The following PECAM1 variants were observed in gnomAD, a reference collection of about 807,000 sequenced individuals.
The protein encoded by PECAM1 is platelet endothelial cell adhesion molecule.
Under a neutral mutation model 13.8 loss-of-function variants are expected in PECAM1, and 8 were observed. The ratio of observed to expected loss-of-function variants is 0.58; its 90% CI spans 0.34 to 1.05. The LOEUF (loss-of-function observed/expected upper bound fraction) is 1.05. Among genes scored for constraint, PECAM1 ranks in the 50% least tolerant of loss-of-function variants. The pLI is 0.03. For missense variants in PECAM1, 304 were observed against 141.2 expected (o/e 2.15, Z -5.84); for synonymous variants, 136 against 52.6 (o/e 2.58, Z -6.86).
chr17:64,367,006 CA>C lies in PECAM1; in HGVS notation c.967+2743del, dbSNP rs56908523. ...AAAAAAAGAGACTGAAACTCCATTT[CA>C]AAAAAAAAAAAAAAGCAACAAAAGA... On this transcript the variant is annotated intron_variant, in intron 5 of 15. Transcript: ENST00000563924. Among the ~76,000 whole-genome samples, 375 of 123,894 alleles carry C rather than the reference CA, an allele frequency of 3.0e-3. 2 individuals carry two copies. Among genetic ancestry groups the C allele is most frequent in the African/African-American group, 0.012 (345 of 29,644 alleles). The allele number at this position is 123,894 out of a possible 152,430, so 81.3% of individuals were successfully genotyped here. A position where few individuals can be genotyped will look rare whatever the true frequency, so the allele number is the denominator to read the frequency against.
chr17:64,369,275 G>T lies in PECAM1; in HGVS notation c.967+475C>A, dbSNP rs989192833. On this transcript the variant is annotated intron_variant, in intron 5 of 15. Coordinates refer to ENST00000563924, the MANE Select transcript of PECAM1 (RefSeq NM_000442.5). ...TGAGTTTACTAATGCTTTCTCATTT[G>T]TGGCCCTGTCATAGGACCCACGTCT... is the stretch of plus-strand genomic sequence containing the variant. Among the ~76,000 whole-genome samples the T allele has an allele frequency of 4.2e-3, 641 of 152,174 alleles. 2 individuals are homozygous for T. Among genetic ancestry groups the T allele is most frequent in the African/African-American group, 0.015 (621 of 41,532 alleles).
At chr17:64,338,472 C>T (rs1340800319) in intron 14 of PECAM1, among the ~76,000 whole-genome samples, 1 of 151,862 alleles carries the variant, frequency 6.6e-6, no homozygotes, top group African/African-American at 2.4e-5. Context: ...GTTTGCCACT[C>T]TGGGAAGCCA....
chr17:64,321,907 G>A lies in PECAM1; in HGVS notation c.*1909C>T, dbSNP rs782503656. Reference sequence around the variant, plus strand: ...GAACTCCCTGGACACAGGGGATCTGGCTGTCCCCAGATCATCAACAGAGAC... The same window carrying A: ...GAACTCCCTGGACACAGGGGATCTGACTGTCCCCAGATCATCAACAGAGAC... On this transcript the variant is annotated 3_prime_UTR_variant, in exon 16 of 16. Coordinates refer to ENST00000563924, the MANE Select transcript of PECAM1 (RefSeq NM_000442.5). 3 of 1,344,308 alleles carry A rather than the reference G, an allele frequency of 2.2e-6. No homozygotes were observed. Among genetic ancestry groups the A allele is most frequent in the African/African-American group, 3.0e-5 (2 of 67,616 alleles). The allele number at this position is 1,344,308 out of a possible 1,614,324, so 83.3% of individuals were successfully genotyped here. A position where few individuals can be genotyped will look rare whatever the true frequency, so the allele number is the denominator to read the frequency against.
At chr17:64,350,628 T>G (rs1212312935) in intron 11 of PECAM1, among the ~76,000 whole-genome samples, 195 bp from the exon 12 acceptor site, 1 of 120,554 alleles carries the variant, frequency 8.3e-6, no homozygotes, top group Non-Finnish European at 1.9e-5. Context: ...AGTCTTTTTC[T>G]TTTTTTCTTT....
intron 14 of PECAM1, among the ~76,000 whole-genome samples, chr17:64,336,220 C>A (rs1363739931): frequency 5.3e-5 from 8 of 150,916 alleles, no homozygotes; most frequent in Non-Finnish European, 2.9e-5. Context: ...GAGCTGCGAT[C>A]GCGCCACTGC....
intron 5 of PECAM1, among the ~76,000 whole-genome samples, chr17:64,364,306 G>A (rs1330658010): frequency 1.3e-5 from 2 of 151,730 alleles, no homozygotes; most frequent in Admixed American, 6.6e-5. Flanking sequence ...GACCAATAAC[G>A]GGATCTGAAA....
rs2278680 is a variant in PECAM1 at position 64,323,242 on chromosome 17, C to A, written c.*574G>T. 24,729 of 990,774 alleles carry A rather than the reference C, an allele frequency of 0.025. 325 individuals are homozygous for A. Among genetic ancestry groups the A allele is most frequent in the East Asian group, 0.073 (648 of 8,918 alleles). The allele number at this position is 990,774 out of a possible 1,614,324, so 61.4% of individuals were successfully genotyped here. ...TGTCTTCAGGTTGGTATTTCACAGG[C>A]GGTGCTCCCAAGTAGTCTGGTTTTC... On this transcript the variant is annotated 3_prime_UTR_variant, in exon 16 of 16. Coordinates refer to ENST00000563924, the MANE Select transcript of PECAM1 (RefSeq NM_000442.5).
intron 2 of PECAM1, among the ~76,000 whole-genome samples, chr17:64,384,043 A>G (rs2036539689): frequency 2.0e-5 from 3 of 152,182 alleles, no homozygotes; most frequent in African/African-American, 4.8e-5. Context: ...AGGCAGGAGA[A>G]TCACTTGAAT....
At position 64,386,941 on chromosome 17, in the gene PECAM1, G is replaced by A. The variant is rs985450251; in HGVS notation, c.91+3548C>T. 2.2e-3 allele frequency among the ~76,000 whole-genome samples: 337 copies of A among 152,206 alleles called. 1 individual carries two copies. Among genetic ancestry groups the A allele is most frequent in the African/African-American group, 7.8e-3 (324 of 41,538 alleles). ...TGGACTGTGAAGGTGGGAGGAGTGT[G>A]AACTTAGGGGAGGAGGGGGGAATGT... is the stretch of plus-strand genomic sequence containing the variant. On this transcript the variant is annotated intron_variant, in intron 2 of 15. Coordinates refer to ENST00000563924, the MANE Select transcript of PECAM1 (RefSeq NM_000442.5).
intron 5 of PECAM1, among the ~76,000 whole-genome samples, chr17:64,367,174 T>G (rs1598038893): frequency 6.6e-6 from 1 of 151,930 alleles, no homozygotes; most frequent in African/African-American, 2.4e-5. Flanking sequence ...GAGATAGCAG[T>G]GAATAAGAAA....
intron 14 of PECAM1, among the ~76,000 whole-genome samples, chr17:64,341,096 CAAAA>C (rs147972145): frequency 1.7e-5 from 2 of 116,016 alleles, no homozygotes; most frequent in African/African-American, 3.4e-5. Context: ...AACTCTGTCT[CAAAA>C]AAAAAAAAAA....
Position 64,387,713 on chromosome 17 carries a change from C to T in PECAM1, c.91+2776G>A, listed in dbSNP as rs983742136. Among the ~76,000 whole-genome samples, 4 of 152,028 alleles carry T rather than the reference C, an allele frequency of 2.6e-5. No individual in the cohort carries two copies. The East Asian group carries it at 5.8e-4, about 22-fold the overall frequency. Reference sequence around the variant, plus strand: ...TGATAAGCCTGCAGCCAGGCCCAGGCGGGAAGTTGAGGGAGTTCCCTCCAG... The same window carrying T: ...TGATAAGCCTGCAGCCAGGCCCAGGTGGGAAGTTGAGGGAGTTCCCTCCAG... On this transcript the variant is annotated intron_variant, in intron 2 of 15. Transcript: ENST00000563924.
chr17:64,367,737 G>A (rs1183861705), intron 5 of PECAM1, among the ~76,000 whole-genome samples: 5 of 152,018 alleles, frequency 3.3e-5, no homozygotes, highest in Admixed American at 1.3e-4. Context: ...AGGTAAAACC[G>A]GGTCTTAGGT....
chr17:64,340,794 C>G (rs1290783846), intron 14 of PECAM1, among the ~76,000 whole-genome samples: 1 of 152,026 alleles, frequency 6.6e-6, no homozygotes, highest in Non-Finnish European at 1.5e-5. Flanking sequence ...CAAAGTCAGT[C>G]TACTGTCAGA....
Position 64,323,865 on chromosome 17 carries a change from G to A in PECAM1, c.2188-20C>T, listed in dbSNP as rs1555645064. On this transcript the variant is annotated intron_variant, in intron 15 of 15. Transcript: ENST00000563924. ...CGTTCTCTGTAGCGACAAGAAACAA[G>A]GCAAGTTATGATCACACCTCTCAAG... is the stretch of plus-strand genomic sequence containing the variant. The A allele has an allele frequency of 1.3e-6, 1 of 797,946 alleles. No individual in the cohort carries two copies. Among genetic ancestry groups the A allele is most frequent in the Admixed American group, 1.7e-5 (1 of 59,058 alleles). 49.4% of individuals were successfully genotyped at this position (797,946 alleles called of 1,614,324 possible).
At position 64,369,893 on chromosome 17, in the gene PECAM1, T is replaced by C; in HGVS notation, c.824A>G (p.Asp275Gly). ...QEFPEIIIQK[D>G]KAIVAHNRHG... ...TCTGTTGTGGGCCACAATCGCCTTG[T>C]CCTTCTGAATTATGATTTCTGGAAA... The change falls in exon 5 of 16, where the codon GAC becomes GGC. Residue 275 changes from aspartate (D) to glycine (G), a missense_variant. By Grantham distance (94) the Asp-to-Gly change is moderately conservative (BLOSUM62 -1). Transcript: ENST00000563924. 1 of 398,652 alleles carries C rather than the reference T, an allele frequency of 2.5e-6. No individual in the cohort carries two copies. Among genetic ancestry groups the C allele is most frequent in the Non-Finnish European group, 4.4e-6 (1 of 226,120 alleles). 24.7% of individuals were successfully genotyped at this position (398,652 alleles called of 1,614,324 possible).
rs1035800679 is a variant in PECAM1 at position 64,342,194 on chromosome 17, G to A, written c.2108-504C>T. Among the ~76,000 whole-genome samples the A allele has an allele frequency of 6.7e-5, 10 of 149,968 alleles. No homozygotes were observed. In the East Asian group the frequency reaches 1.2e-3, roughly 18 times the overall value. ...AGAAGAAGGTCTTGGTCTAACGAGC[G>A]TCACTCCCAGTCTGGGAATAGGAGG... On this transcript the variant is annotated intron_variant, in intron 13 of 15. Transcript: ENST00000563924.
At chr17:64,324,554 G>C (rs1392083645) in intron 15 of PECAM1, among the ~76,000 whole-genome samples, 1 of 152,202 alleles carries the variant, frequency 6.6e-6, no homozygotes, top group Non-Finnish European at 1.5e-5. Flanking sequence ...AGGCAACTTT[G>C]TAAGAGATCT....
In PECAM1 at chr17:64,321,784, A is replaced by G. The variant is rs933095439; in HGVS notation, c.*2032T>C. ...TCAACAAAACAAAACAAAACAAAAAATTCAGTCGTGCTGCATAAGTAAGGC... is the reference window on the plus strand; with the variant it reads ...TCAACAAAACAAAACAAAACAAAAAGTTCAGTCGTGCTGCATAAGTAAGGC... On this transcript the variant is annotated 3_prime_UTR_variant, in exon 16 of 16. Transcript: ENST00000563924. 15 of 1,322,022 alleles carry G rather than the reference A, an allele frequency of 1.1e-5. No individual in the cohort carries two copies. Among genetic ancestry groups the G allele is most frequent in the Non-Finnish European group, 1.3e-5 (13 of 999,420 alleles). The allele number at this position is 1,322,022 out of a possible 1,614,324, so 81.9% of individuals were successfully genotyped here. A position where few individuals can be genotyped will look rare whatever the true frequency, so the allele number is the denominator to read the frequency against.
Sources: allele counts gnomAD v4.1 joint callset (sites outside exome capture counted in the v4.1 genomes callset), GRCh38; gene constraint gnomAD v4.1.1; transcripts MANE v1.5; gene names NCBI Gene and HGNC (gene_info 2026-07-23, HGNC 2026-07-21).